The following TMEM117 variants were observed in gnomAD, a reference collection of about 807,000 sequenced individuals.
TMEM117 encodes transmembrane protein 117.
Under a neutral mutation model 52.4 loss-of-function variants are expected in TMEM117, and 27 were observed. That is an observed-to-expected ratio of 0.51 (90% CI 0.38 to 0.71). TMEM117 has a LOEUF of 0.71. TMEM117 is among the 30% of genes least tolerant of loss of function. TMEM117 has a pLI of 0.00. For synonymous variants in TMEM117, 215 were observed against 206.3 expected (o/e 1.04, Z -0.36); for missense variants, 556 against 630.5 (o/e 0.88, Z 1.26).
At chr12:44,104,801 C>T (rs989847844) in intron 3 of TMEM117, among the ~76,000 whole-genome samples, 1 of 152,010 alleles carries the variant, frequency 6.6e-6, no homozygotes, top group Non-Finnish European at 1.5e-5. Flanking sequence ...CATTTCACTC[C>T]ACTATCTTCT....
intron 3 of TMEM117, among the ~76,000 whole-genome samples, chr12:43,969,349 T>A (rs1170179031): frequency 5.6e-5 from 3 of 53,590 alleles, no homozygotes; most frequent in Non-Finnish European, 9.5e-5. Context: ...TGAAACCCCG[T>A]CTCTACTAAA....
the TMEM117 span, among the ~76,000 whole-genome samples, chr12:43,823,987 T>G: frequency 6.6e-6 from 1 of 152,228 alleles, no homozygotes; most frequent in Non-Finnish European, 1.5e-5. Context: ...TACATATACA[T>G]TCTCACAGCA....
At chr12:43,901,833 A>G (rs577578552) in intron 2 of TMEM117, among the ~76,000 whole-genome samples, 4 of 152,304 alleles carry the variant, frequency 2.6e-5, no homozygotes, top group African/African-American at 9.6e-5. Context: ...CTGTTTGCCT[A>G]ATGTTTTTTT....
intron 1 of TMEM117, among the ~76,000 whole-genome samples, chr12:43,843,803 A>T (rs773644411): frequency 2.8e-4 from 43 of 152,320 alleles, no homozygotes; most frequent in African/African-American, 1.0e-3. Context: ...AGACTTAGCT[A>T]TTTCATAGAA....
chr12:44,362,879 G>A (rs191265677), intron 6 of TMEM117, among the ~76,000 whole-genome samples: 12 of 149,812 alleles, frequency 8.0e-5, no homozygotes, highest in Non-Finnish European at 1.5e-4. Context: ...TTGAGATGGA[G>A]TCTCCCTCTG....
intron 1 of TMEM117, among the ~76,000 whole-genome samples, chr12:43,841,679 T>C (rs925879121): frequency 1.3e-5 from 2 of 152,168 alleles, no homozygotes; most frequent in African/African-American, 2.4e-5. Flanking sequence ...GTCAAGATTA[T>C]ATGTATTGGA....
At chr12:44,319,158 C>A (rs1174686139) in intron 6 of TMEM117, among the ~76,000 whole-genome samples, 3 of 152,196 alleles carry the variant, frequency 2.0e-5, no homozygotes, top group Non-Finnish European at 2.9e-5. Context: ...AATCTCTGAT[C>A]CAAGACTATA....
chr12:44,387,934 T>A (rs1952112570), intron 7 of TMEM117, 92 bp from the exon 8 acceptor site: 4 of 1,116,782 alleles, frequency 3.6e-6, no homozygotes, highest in Non-Finnish European at 5.0e-6. Context: ...TAACAATTGA[T>A]GTTATTATAC....
chr12:44,278,558 A>C (rs1396262514), intron 5 of TMEM117, among the ~76,000 whole-genome samples: 1 of 152,162 alleles, frequency 6.6e-6, no homozygotes, highest in Non-Finnish European at 1.5e-5. Context: ...GCTGTTCCTC[A>C]ATGTGAGCTC....
chr12:44,317,809 T>C (rs575467071), intron 6 of TMEM117, among the ~76,000 whole-genome samples: 8 of 152,338 alleles, frequency 5.3e-5, no homozygotes, highest in African/African-American at 1.9e-4. Flanking sequence ...GGGAGGTCTC[T>C]GATGCTGCAG....
chr12:44,332,428 A>G (rs1410169619), intron 6 of TMEM117, among the ~76,000 whole-genome samples: 1 of 152,038 alleles, frequency 6.6e-6, no homozygotes, highest in Non-Finnish European at 1.5e-5. Context: ...GGAAAAGAAA[A>G]CCAAGTGGGC....
At chr12:44,114,504 G>A (rs994441449) in intron 3 of TMEM117, among the ~76,000 whole-genome samples, 3 of 152,172 alleles carry the variant, frequency 2.0e-5, no homozygotes, top group African/African-American at 7.2e-5. Flanking sequence ...ATAGCTCTGG[G>A]ATGGCTGAGG....
intron 6 of TMEM117, among the ~76,000 whole-genome samples, chr12:44,306,586 G>A (rs1197043111): frequency 6.6e-6 from 1 of 152,134 alleles, no homozygotes; most frequent in Non-Finnish European, 1.5e-5. Context: ...TGTCACCTGT[G>A]TACATACATA....
chr12:43,893,727 A>G (rs981189036), intron 2 of TMEM117, among the ~76,000 whole-genome samples: 1 of 152,164 alleles, frequency 6.6e-6, no homozygotes, highest in African/African-American at 2.4e-5. Context: ...GTTATCCCAT[A>G]TATTTCACTT....
At chr12:44,091,802 G>C (rs1432196673) in intron 3 of TMEM117, among the ~76,000 whole-genome samples, 1 of 152,292 alleles carries the variant, frequency 6.6e-6, no homozygotes, top group East Asian at 1.9e-4. Flanking sequence ...ATTTAAAACT[G>C]CATGTTTCTA....
chr12:44,088,025 A>G (rs752791664), intron 3 of TMEM117, among the ~76,000 whole-genome samples: 1 of 152,210 alleles, frequency 6.6e-6, no homozygotes, highest in Non-Finnish European at 1.5e-5. Flanking sequence ...AATGTACACA[A>G]GCACAGCATT....
At chr12:44,114,962 A>G (rs1273930039) in intron 3 of TMEM117, among the ~76,000 whole-genome samples, 1 of 152,234 alleles carries the variant, frequency 6.6e-6, no homozygotes, top group Non-Finnish European at 1.5e-5. Flanking sequence ...TTACTGTAGA[A>G]TATCTTTAAA....
At chr12:44,070,166 C>T (rs1385791214) in intron 3 of TMEM117, among the ~76,000 whole-genome samples, 1 of 152,210 alleles carries the variant, frequency 6.6e-6, no homozygotes, top group Non-Finnish European at 1.5e-5. Context: ...GCTGGGATTA[C>T]AGGCGTGAGC....
At chr12:43,916,648 A>G (rs1410546988) in intron 2 of TMEM117, among the ~76,000 whole-genome samples, 3 of 152,198 alleles carry the variant, frequency 2.0e-5, no homozygotes, top group Non-Finnish European at 4.4e-5. Context: ...CATTGTCAGA[A>G]GGAGAAACAC....
Sources: gnomAD v4.1 joint callset for allele counts (sites outside exome capture counted in the v4.1 genomes callset) on GRCh38, gnomAD v4.1.1 for gene constraint, MANE v1.5 for transcripts, NCBI Gene and HGNC (gene_info 2026-07-23, HGNC 2026-07-21) for gene names.